SLC22A5: variants seen among roughly 807,000 people sequenced by gnomAD.
SLC22A5 encodes organic cation/carnitine transporter 2.
SLC22A5 carries 44 observed loss-of-function variants against 56.7 expected under a neutral mutation model. The observed-to-expected ratio is 0.78, with a 90% CI of 0.61 to 1.00. The LOEUF is 1.00. Ranked by LOEUF, SLC22A5 falls within the 50% of genes least tolerant of loss-of-function variation. The pLI is 0.00. For synonymous variants in SLC22A5, 278 were observed against 292.1 expected, an observed-to-expected ratio of 0.95 and a Z score of 0.49; for missense variants, 675 against 723.0, an observed-to-expected ratio of 0.93 and a Z score of 0.76.
intron 1 of SLC22A5, among the ~76,000 whole-genome samples, chr5:132,371,761 C>G (rs1044662407): frequency 6.6e-6 from 1 of 152,072 alleles, no homozygotes; most frequent in Non-Finnish European, 1.5e-5. Context: ...AACCACCCAG[C>G]AGGACGGCGG....
At position 132,393,707 on chromosome 5, in the gene SLC22A5, C is replaced by T. The variant is rs771112492; in HGVS notation, c.1482C>T (p.Leu494=). 9 of 1,614,190 alleles carry T rather than the reference C, an allele frequency of 5.6e-6. No individual in the cohort carries two copies. Among genetic ancestry groups the T allele is most frequent in the Non-Finnish European group, 7.6e-6 (9 of 1,180,018 alleles). ...ACGACCGCTTCCTGCCCTACATTCT[C>T]ATGGGAAGTCTGACCATCCTGACAG... The part of the protein sequence containing the change: ...GAYDRFLPYI[L]MGSLTILTAI... Residue 494 remains leucine (L), a synonymous_variant, in exon 9 of 10, where the codon CTC becomes CTT. Transcript: ENST00000245407.
chr5:132,385,594 G>A, intron 4 of SLC22A5, 95 bp downstream of exon 4: 2 of 990,906 alleles, frequency 2.0e-6, no homozygotes, highest in Non-Finnish European at 3.2e-6. Flanking sequence ...TCCCTATTTT[G>A]TCTCCCAGAG....
At chr5:132,384,605 C>T (rs2126782829) in intron 3 of SLC22A5, among the ~76,000 whole-genome samples, 1 of 152,312 alleles carries the variant, frequency 6.6e-6, no homozygotes, top group East Asian at 1.9e-4. Context: ...AGAGATCCTC[C>T]ATTTACAAAA....
chr5:132,378,268 T>C, intron 1 of SLC22A5, 110 bp from the exon 2 acceptor site: 1 of 1,613,662 alleles, frequency 6.2e-7, no homozygotes. Flanking sequence ...GAGTTCACAC[T>C]CAGAGCGTGT....
At chr5:132,392,043 A>G (rs1416552861) in intron 7 of SLC22A5, among the ~76,000 whole-genome samples, 1 of 152,268 alleles carries the variant, frequency 6.6e-6, no homozygotes, top group Non-Finnish European at 1.5e-5. Context: ...AAAGCATGAA[A>G]TGAGTTAGAA....
At chr5:132,389,184 T>A (rs1752624914) in intron 6 of SLC22A5, 163 bp downstream of exon 6, 1 of 650,574 alleles carries the variant, frequency 1.5e-6, no homozygotes, top group African/African-American at 1.8e-5. Flanking sequence ...CATGTCACAA[T>A]TCTTAATGGG....
Position 132,384,219 on chromosome 5 carries a change from G to A in SLC22A5, c.570G>A (p.Ser190=), listed in dbSNP as rs561032476. ...GCTTCAGCTTCCTGCAGATCTTCTC[G>A]AAGAATTTTGAGATGTTTGTCGTGC... is the stretch of plus-strand genomic sequence containing the variant. ...QTGFSFLQIF[S]KNFEMFVVLF... is the part of the protein sequence containing the mutation. Residue 190 remains serine (S), a synonymous_variant, in exon 3 of 10, where the codon TCG becomes TCA. Transcript: ENST00000245407. 6.2e-5 allele frequency: 100 copies of A among 1,614,150 alleles called. No individual in the cohort carries two copies. Among genetic ancestry groups the A allele is most frequent in the Middle Eastern group, 3.3e-4 (2 of 6,062 alleles).
At chr5:132,381,777 G>A (rs1752356838) in intron 2 of SLC22A5, 1 of 152,176 alleles carries the variant, frequency 6.6e-6, no homozygotes, top group South Asian at 2.1e-4. Context: ...GTGTGTGTTT[G>A]CCATTTTGTT....
In SLC22A5 at chr5:132,393,811, G is replaced by T. The variant is rs201307440; in HGVS notation, c.1586G>T (p.Gly529Val). Reference sequence around the variant, plus strand: ...ATTGACCAGATGCTAAGAGTCAAAGGGTAAGAAGACCTCCTCTGTCAGTGT... The same window carrying T: ...ATTGACCAGATGCTAAGAGTCAAAGTGTAAGAAGACCTCCTCTGTCAGTGT... ...DTIDQMLRVK[G>V]MKHRKTPSHT... The change falls in exon 9 of 10, where the codon GGA becomes GTA. Residue 529 changes from glycine to valine, a missense_variant and splice_region_variant. Coordinates refer to ENST00000245407, the MANE Select transcript of SLC22A5 (RefSeq NM_003060.4). The T allele has an allele frequency of 9.9e-6, 16 of 1,614,004 alleles. No homozygotes were observed. The African/African-American group carries it at 2.1e-4, about 22-fold the overall frequency.
rs1356938515 is a variant in SLC22A5 at position 132,387,115 on chromosome 5, G to A, written c.915G>A (p.Gly305=). The A allele has an allele frequency of 6.2e-7, 1 of 1,614,200 alleles. No individual in the cohort carries two copies. The highest frequency in any genetic ancestry group is 1.7e-5 in the Admixed American group (1 of 60,028). The change falls in exon 5 of 10, where the codon GGG becomes GGA. Residue 305 remains glycine, a synonymous_variant. Coordinates refer to ENST00000245407, the MANE Select transcript of SLC22A5 (RefSeq NM_003060.4). ...TCCGCAAGGCTGCCAAAGCCAATGGGATTGTTGTGCCTTCCACTATCTTTG... is the reference window on the plus strand; with the variant it reads ...TCCGCAAGGCTGCCAAAGCCAATGGAATTGTTGTGCCTTCCACTATCTTTG... ...VIIRKAAKAN[G]IVVPSTIFDP...
chr5:132,374,109 G>A (rs1752047627), intron 1 of SLC22A5, among the ~76,000 whole-genome samples: 2 of 151,892 alleles, frequency 1.3e-5, no homozygotes, highest in African/African-American at 4.8e-5. Flanking sequence ...CCAGCTACTC[G>A]GGAGGGAGGC....
intron 7 of SLC22A5, among the ~76,000 whole-genome samples, chr5:132,391,611 A>C (rs931300792): frequency 2.0e-5 from 3 of 152,118 alleles, no homozygotes; most frequent in Non-Finnish European, 4.4e-5. Flanking sequence ...TTTGAGGAGG[A>C]GGGAGAAGGG....
intron 1 of SLC22A5, among the ~76,000 whole-genome samples, chr5:132,374,758 CAA>C (rs34965096): frequency 8.6e-4 from 119 of 138,186 alleles, no homozygotes; most frequent in Admixed American, 2.1e-3. Flanking sequence ...GTCAGGGAGC[CAA>C]AAAAAAAAAA....
In SLC22A5 at chr5:132,388,945, C is replaced by G. The variant is rs1047810495; in HGVS notation, c.976C>G (p.Gln326Glu). 7.4e-6 allele frequency: 12 copies of G among 1,613,304 alleles called. No individual in the cohort carries two copies. Among genetic ancestry groups the G allele is most frequent in the Non-Finnish European group, 1.0e-5 (12 of 1,179,338 alleles). Residue 326 changes from glutamine to glutamate, a missense_variant, in exon 6 of 10, where the codon CAG becomes GAG. By Grantham distance (29) the Gln-to-Glu change is conservative. Coordinates refer to ENST00000245407, the MANE Select transcript of SLC22A5 (RefSeq NM_003060.4). ...GTTACAAGACCTAAGTTCCAAGAAG[C>G]AGCAGTCCCACAACATTCTGGATCT... ...SELQDLSSKK[Q>E]QSHNILDLLR...
chr5:132,391,568 C>T (rs944101520), intron 7 of SLC22A5, among the ~76,000 whole-genome samples: 2 of 152,140 alleles, frequency 1.3e-5, no homozygotes, highest in Non-Finnish European at 2.9e-5. Flanking sequence ...ATGGCAAAGG[C>T]AGCGACCCTG....
At position 132,370,166 on chromosome 5, in the gene SLC22A5, A is replaced by G. The variant is rs755634551; in HGVS notation, c.194A>G (p.His65Arg). The G allele has an allele frequency of 1.2e-6, 2 of 1,606,624 alleles. No homozygotes were observed. Among genetic ancestry groups the G allele is most frequent in the Non-Finnish European group, 1.7e-6 (2 of 1,177,024 alleles). The change falls in exon 1 of 10, where the codon CAC becomes CGC. Residue 65 changes from histidine to arginine, a missense_variant. Physicochemically the swap from His to Arg is conservative, Grantham distance 29 (BLOSUM62 0). Coordinates refer to ENST00000245407, the MANE Select transcript of SLC22A5 (RefSeq NM_003060.4). ...AACCTGAGCAGCGCCTGGCGCAACC[A>G]CACTGTCCCACTGCGGCTGCGGGAC... ...AANLSSAWRN[H>R]TVPLRLRDGR...
chr5:132,376,963 A>T (rs1752164730), intron 1 of SLC22A5: 1 of 152,360 alleles, frequency 6.6e-6, no homozygotes, highest in African/African-American at 2.4e-5. Flanking sequence ...AGGCTGTGGC[A>T]GCCTGGGCAG....
At chr5:132,389,056 A>G (rs751174935) in intron 6 of SLC22A5, 35 bp downstream of exon 6, 15 of 1,436,738 alleles carry the variant, frequency 1.0e-5, no homozygotes, top group East Asian at 2.3e-5. Flanking sequence ...GCTTCCAGAC[A>G]AAGCTTCTTG....
chr5:132,371,570 GT>G (rs1373673148), intron 1 of SLC22A5, among the ~76,000 whole-genome samples: 1 of 152,140 alleles, frequency 6.6e-6, no homozygotes, highest in Non-Finnish European at 1.5e-5. Flanking sequence ...GCTCCCTGAA[GT>G]TTCAGCAGCA....
Sources: allele counts gnomAD v4.1 joint callset (sites outside exome capture counted in the v4.1 genomes callset), GRCh38; gene constraint gnomAD v4.1.1; transcripts MANE v1.5; gene names NCBI Gene and HGNC (gene_info 2026-07-23, HGNC 2026-07-21).